The following ADAMTSL1 variants were observed in gnomAD, a reference collection of about 807,000 sequenced individuals.
ADAMTSL1 encodes the protein ADAMTS-like protein 1.
A neutral mutation model predicts 201.8 loss-of-function variants in ADAMTSL1; 126 were observed. The ratio of observed to expected loss-of-function variants is 0.62; its 90% CI spans 0.54 to 0.72. ADAMTSL1 has a LOEUF of 0.72. Among genes scored for constraint, ADAMTSL1 ranks in the 30% least tolerant of loss-of-function variants. The probability of loss-of-function intolerance (pLI) is 0.00; values close to 1 mark genes in which losing one functional copy is unlikely to be tolerated. For synonymous variants in ADAMTSL1, 1,121 were observed against 903.4 expected (o/e 1.24, Z -4.32); for missense variants, 2,679 against 2,277.8 (o/e 1.18, Z -3.59).
At chr9:17,988,618 A>C (rs1819019917) in intron 1 of ADAMTSL1, among the ~76,000 whole-genome samples, 1 of 151,662 alleles carries the variant, frequency 6.6e-6, no homozygotes, top group African/African-American at 2.4e-5. Flanking sequence ...CATCATTTTA[A>C]AGTAAAATAT....
At chr9:18,822,787 A>G (rs957588269) in intron 21 of ADAMTSL1, among the ~76,000 whole-genome samples, 1 of 152,160 alleles carries the variant, frequency 6.6e-6, no homozygotes, top group East Asian at 1.9e-4. Flanking sequence ...CAAATGTTCA[A>G]TGTTATTTCT....
At chr9:18,219,652 C>G (rs1240144891) in intron 2 of ADAMTSL1, among the ~76,000 whole-genome samples, 2 of 152,100 alleles carry the variant, frequency 1.3e-5, no homozygotes, top group Non-Finnish European at 2.9e-5. Flanking sequence ...GCCACTGTGC[C>G]CAGCCTATAT....
At chr9:18,838,893 A>C (rs991981447) in intron 23 of ADAMTSL1, among the ~76,000 whole-genome samples, 6 of 151,732 alleles carry the variant, frequency 4.0e-5, no homozygotes, top group Non-Finnish European at 7.4e-5. Context: ...AAAAAAAAAA[A>C]AAACCTAAAA....
intron 3 of ADAMTSL1, among the ~76,000 whole-genome samples, chr9:18,553,913 T>C (rs1443954814): frequency 2.6e-5 from 4 of 151,978 alleles, no homozygotes; most frequent in African/African-American, 9.6e-5. Context: ...CTCATTAGAC[T>C]TCTGAATCTG....
intron 19 of ADAMTSL1, among the ~76,000 whole-genome samples, chr9:18,794,027 T>TTAA (rs543177977): frequency 1.4e-5 from 2 of 146,384 alleles, no homozygotes; most frequent in Non-Finnish European, 3.0e-5. Flanking sequence ...CTTTTCAGAT[T>TTAA]AAAAAAAAAA....
At chr9:18,663,777 A>AT (rs1829260558) in intron 9 of ADAMTSL1, among the ~76,000 whole-genome samples, 1 of 152,136 alleles carries the variant, frequency 6.6e-6, no homozygotes, top group South Asian at 2.1e-4. Context: ...AAATAAAAGC[A>AT]TTTTGTTAAC....
intron 2 of ADAMTSL1, among the ~76,000 whole-genome samples, chr9:18,455,456 G>A (rs1820564677): frequency 1.3e-5 from 2 of 151,690 alleles, no homozygotes; most frequent in Admixed American, 6.6e-5. Context: ...AAGTATTTCT[G>A]TATATATTCA....
intron 9 of ADAMTSL1, among the ~76,000 whole-genome samples, chr9:18,664,919 A>T (rs1469547515): frequency 1.3e-5 from 2 of 152,012 alleles, no homozygotes; most frequent in Non-Finnish European, 2.9e-5. Context: ...TATATATTTT[A>T]AAGTATTTTT....
intron 2 of ADAMTSL1, among the ~76,000 whole-genome samples, chr9:18,301,883 A>C (rs1833722388): frequency 6.6e-6 from 1 of 152,174 alleles, no homozygotes; most frequent in Non-Finnish European, 1.5e-5. Flanking sequence ...TGTGTACATT[A>C]TTTTGATAAA....
At chr9:18,833,536 C>G (rs1477317902) in intron 23 of ADAMTSL1, among the ~76,000 whole-genome samples, 1 of 152,138 alleles carries the variant, frequency 6.6e-6, no homozygotes, top group African/African-American at 2.4e-5. Flanking sequence ...TCTTTGCCCA[C>G]TTTTTAATGC....
chr9:18,609,246 A>G (rs1019845045), intron 4 of ADAMTSL1, among the ~76,000 whole-genome samples: 3 of 152,200 alleles, frequency 2.0e-5, no homozygotes, highest in Admixed American at 6.5e-5. Flanking sequence ...CTAAGGAAGG[A>G]TGTTTTCAGA....
At chr9:18,806,882 T>A (rs1224072236) in intron 20 of ADAMTSL1, among the ~76,000 whole-genome samples, 2 of 152,204 alleles carry the variant, frequency 1.3e-5, no homozygotes, top group Non-Finnish European at 2.9e-5. Context: ...GGCCTTCACA[T>A]CCTTGGATGC....
chr9:18,503,429 A>ATATATATATATATATATATATATATG (rs1822950347), intron 1 of ADAMTSL1, among the ~76,000 whole-genome samples: 1 of 147,248 alleles, frequency 6.8e-6, no homozygotes, highest in Non-Finnish European at 1.5e-5. Context: ...GTGTATATAT[A>ATATATATATATATATATATATATATG]TATATATATA....
chr9:18,739,370 A>C (rs1363936715), intron 15 of ADAMTSL1, among the ~76,000 whole-genome samples: 1 of 152,200 alleles, frequency 6.6e-6, no homozygotes, highest in Non-Finnish European at 1.5e-5. Context: ...AGTAAATACA[A>C]CTTAGGGATT....
intron 12 of ADAMTSL1, among the ~76,000 whole-genome samples, chr9:18,682,277 A>C (rs1830550992): frequency 6.6e-6 from 1 of 152,186 alleles, no homozygotes; most frequent in South Asian, 2.1e-4. Flanking sequence ...TATATGTTTG[A>C]TTTACTATCC....
rs772519405 is a variant in ADAMTSL1, at chr9:18,680,361, A to C, written c.1186A>C (p.Ile396Leu). Residue 396 changes from isoleucine (I) to leucine (L), a missense_variant, in exon 11 of 29, where the codon ATC (isoleucine) becomes CTC (leucine). Ile to Leu is a conservative substitution (Grantham distance 5). Coordinates refer to ENST00000380548, the MANE Select transcript of ADAMTSL1 (RefSeq NM_001040272.6). The stretch of plus-strand genomic sequence containing the variant: ...GTGCTCCTCCTCGTGTGGGGGGGGC[A>C]TCCAGAGCCGGGCAGTTTCCTGTGT... ...TACSSSCGGG[I>L]QSRAVSCVEE... The C allele has an allele frequency of 2.5e-6, 4 of 1,614,104 alleles. No homozygotes were observed. The South Asian group carries it at 4.4e-5, about 18-fold the overall frequency.
intron 1 of ADAMTSL1, among the ~76,000 whole-genome samples, chr9:18,008,251 G>C (rs1243263618): frequency 6.6e-6 from 1 of 151,934 alleles, no homozygotes; most frequent in African/African-American, 2.4e-5. Flanking sequence ...ATAAGTTCTT[G>C]CTGTTCAGGA....
intron 1 of ADAMTSL1, among the ~76,000 whole-genome samples, chr9:18,475,292 G>A (rs187528665): frequency 1.3e-5 from 2 of 152,286 alleles, no homozygotes; most frequent in Non-Finnish European, 1.5e-5. Context: ...TGAATAGGTT[G>A]CATTGATTCC....
chr9:18,030,739 G>C (rs990562256), intron 1 of ADAMTSL1, among the ~76,000 whole-genome samples: 13 of 152,096 alleles, frequency 8.5e-5, no homozygotes, highest in African/African-American at 2.9e-4. Context: ...TTTGTGGACT[G>C]TATACTCAAA....
Sources: gnomAD v4.1 joint callset for allele counts (sites outside exome capture counted in the v4.1 genomes callset) on GRCh38, gnomAD v4.1.1 for gene constraint, MANE v1.5 for transcripts, NCBI Gene and HGNC (gene_info 2026-07-23, HGNC 2026-07-21) for gene names.